The following CELF2 variants were observed in gnomAD, a reference collection of about 807,000 sequenced individuals.
CELF2 encodes the protein CUGBP Elav-like family member 2.
CELF2 carries 8 observed loss-of-function variants against 62.6 expected under a neutral mutation model. That is an observed-to-expected ratio of 0.13 (90% CI 0.07 to 0.23). The LOEUF is 0.23. CELF2 is among the 10% of genes least tolerant of loss of function. CELF2 has a pLI of 1.00. For synonymous variants in CELF2, 258 were observed against 250.0 expected (o/e 1.03, Z -0.30); for missense variants, 333 against 671.0 (o/e 0.50, Z 5.56).
chr10:11,181,356 C>T (rs371916796), intron 2 of CELF2, among the ~76,000 whole-genome samples: 9 of 152,168 alleles, frequency 5.9e-5, no homozygotes, highest in African/African-American at 2.2e-4. Context: ...TGTCAGTTGT[C>T]ATTGATGTCT....
chr10:11,060,050 A>C (rs1393345232), intron 1 of CELF2, among the ~76,000 whole-genome samples: 2 of 152,226 alleles, frequency 1.3e-5, no homozygotes, highest in East Asian at 1.9e-4. Context: ...AAAATGCAAG[A>C]GGAAGAGAAG....
chr10:10,897,746 T>C (rs1480848387), intron 1 of CELF2, among the ~76,000 whole-genome samples: 1 of 152,128 alleles, frequency 6.6e-6, no homozygotes, highest in Non-Finnish European at 1.5e-5. Flanking sequence ...CTGAGAGCAT[T>C]ATATCAGCAG....
intron 1 of CELF2, among the ~76,000 whole-genome samples, chr10:11,163,221 T>A (rs995049195): frequency 1.3e-5 from 2 of 152,252 alleles, no homozygotes; most frequent in Middle Eastern, 3.2e-3. Context: ...TTCTCCATTG[T>A]GTTACATTAT....
At position 11,336,535 on chromosome 10, in the gene CELF2, T is replaced by C. The variant is rs2096121282; in HGVS notation, c.*7482T>C. ...GAAAGGACTCTGTTGTGTGTAAAGT[T>C]AATGTGATTATTTTTCAAAGCAGTG... On this transcript the variant is annotated 3_prime_UTR_variant, in exon 13 of 13. Transcript: ENST00000633077. This position sits in a 1 kb window ranked among gnomAD's most constrained non-coding sequence, Gnocchi z 5.4. 1 of 152,686 alleles carries C rather than the reference T, an allele frequency of 6.5e-6. No individual in the cohort carries two copies. The highest frequency in any genetic ancestry group is 1.5e-5 in the Non-Finnish European group (1 of 68,040). The allele number at this position is 152,686 out of a possible 1,614,324, so 9.5% of individuals were successfully genotyped here. A position where few individuals can be genotyped will look rare whatever the true frequency, so the allele number is the denominator to read the frequency against.
chr10:10,887,295 C>A lies in CELF2; in HGVS notation c.54-32669C>A, dbSNP rs150300631. Among the ~76,000 whole-genome samples the A allele has an allele frequency of 9.1e-3, 1,384 of 152,278 alleles. 8 individuals are homozygous for A. The highest frequency in any genetic ancestry group is 0.017 in the Middle Eastern group (5 of 294). ...CCTTTTTACAAGGTATCACAGATAG[C>A]ACGTGAAGTTCAACTGTGATTAATA... On this transcript the variant is annotated intron_variant, in intron 1 of 13. Coordinates refer to the CELF2 transcript ENST00000636488.
the CELF2 span, among the ~76,000 whole-genome samples, chr10:10,537,704 T>C: frequency 1.1e-4 from 17 of 152,142 alleles, no homozygotes; most frequent in South Asian, 2.1e-4. Flanking sequence ...CCTCCAGCTC[T>C]GTACCACCCC....
upstream of CELF2, among the ~76,000 whole-genome samples, chr10:10,795,777 C>T (rs1271108908): frequency 6.6e-6 from 1 of 152,004 alleles, no homozygotes; most frequent in Non-Finnish European, 1.5e-5. Context: ...ATATTCTGCC[C>T]TTCTTGGACT....
chr10:10,563,003 C>T, the CELF2 span, among the ~76,000 whole-genome samples: 2 of 152,230 alleles, frequency 1.3e-5, no homozygotes, highest in Admixed American at 6.5e-5. Context: ...TCCTCCTCCC[C>T]ACCTTCTCTT....
chr10:10,730,052 A>G, the CELF2 span, among the ~76,000 whole-genome samples: 1 of 152,228 alleles, frequency 6.6e-6, no homozygotes, highest in Non-Finnish European at 1.5e-5. Context: ...AGAAAATGAC[A>G]CTATCCCAAG....
At chr10:10,760,511 C>T in the CELF2 span, among the ~76,000 whole-genome samples, 3 of 152,204 alleles carry the variant, frequency 2.0e-5, no homozygotes, top group East Asian at 1.9e-4. Flanking sequence ...CAAGTCACGT[C>T]GATACAGTTT....
At chr10:10,826,969 G>A (rs772510787) in intron 1 of CELF2, among the ~76,000 whole-genome samples, 3 of 152,190 alleles carry the variant, frequency 2.0e-5, no homozygotes, top group Non-Finnish European at 1.5e-5. Context: ...AAAATGCAGT[G>A]TTGTGACTTC....
chr10:10,483,034 G>A, the CELF2 span, among the ~76,000 whole-genome samples: 1 of 152,046 alleles, frequency 6.6e-6, no homozygotes, highest in Non-Finnish European at 1.5e-5. Context: ...TCCTTAAAGA[G>A]CCGGGTACTT....
intron 1 of CELF2, among the ~76,000 whole-genome samples, chr10:11,100,425 A>G (rs774683716): frequency 6.6e-6 from 1 of 151,992 alleles, no homozygotes; most frequent in Middle Eastern, 3.4e-3. Context: ...GGTTACATGG[A>G]TAAGTCCTTA....
rs2059730724 is a variant in CELF2, at chr10:11,029,205, G to GT, written c.74+11045dup. 2.0e-5 allele frequency among the ~76,000 whole-genome samples: 3 copies of GT among 152,318 alleles called. No individual in the cohort carries two copies. The East Asian group carries it at 5.8e-4, about 29-fold the overall frequency. On this transcript the variant is annotated intron_variant, in intron 1 of 12. Transcript: ENST00000633077. Reference sequence around the variant, plus strand: ...TGGTGGTGTAGGGTTAAGACAAGGGGTTTGGGGTATGGGTTATCTGTAGCA... The same window carrying GT: ...TGGTGGTGTAGGGTTAAGACAAGGGGTTTTGGGGTATGGGTTATCTGTAGCA...
chr10:11,102,776 AT>A (rs2052097474), intron 1 of CELF2, among the ~76,000 whole-genome samples: 1 of 152,194 alleles, frequency 6.6e-6, no homozygotes, highest in Non-Finnish European at 1.5e-5. Flanking sequence ...TGGAAGTCTT[AT>A]AAAACTCAAC....
At chr10:11,097,395 T>C (rs2050194081) in intron 1 of CELF2, 1 of 152,238 alleles carries the variant, frequency 6.6e-6, no homozygotes, top group African/African-American at 2.4e-5. Flanking sequence ...AGTCAGAAGA[T>C]TGAAAAGTAA....
At chr10:11,283,990 T>TGGGTGGATGATGGATG (rs1565758300) in intron 8 of CELF2, among the ~76,000 whole-genome samples, 1 of 130,402 alleles carries the variant, frequency 7.7e-6, no homozygotes, top group Admixed American at 7.7e-5. Flanking sequence ...GAGTGTGTGG[T>TGGGTGGATGATGGATG]GAGTGGATGA....
At chr10:11,215,980 A>G (rs914896565) in intron 2 of CELF2, among the ~76,000 whole-genome samples, 7 of 152,238 alleles carry the variant, frequency 4.6e-5, no homozygotes, top group African/African-American at 1.7e-4. Flanking sequence ...TTCTGGTCAA[A>G]GAACTCAAAA....
At chr10:10,559,736 A>G in the CELF2 span, among the ~76,000 whole-genome samples, 1 of 152,320 alleles carries the variant, frequency 6.6e-6, no homozygotes. Context: ...GTAAGGTAGG[A>G]TTCATAGCAA....
Sources: allele counts gnomAD v4.1 joint callset (sites outside exome capture counted in the v4.1 genomes callset), GRCh38; gene constraint gnomAD v4.1.1; non-coding constraint Gnocchi (gnomAD v3.1); transcripts MANE v1.5; gene names NCBI Gene and HGNC (gene_info 2026-07-23, HGNC 2026-07-21).